NEK7: variants seen among roughly 807,000 people sequenced by gnomAD.
The protein encoded by NEK7 is NIMA related kinase 7.
Under a neutral mutation model 44.6 loss-of-function variants are expected in NEK7, and 18 were observed. The observed-to-expected ratio is 0.40, with a 90% CI of 0.28 to 0.60. The LOEUF (loss-of-function observed/expected upper bound fraction) is 0.60. Ranked by LOEUF, NEK7 falls within the 20% of genes least tolerant of loss-of-function variation. The probability of loss-of-function intolerance (pLI) is 0.38; values close to 1 mark genes in which losing one functional copy is unlikely to be tolerated. For missense variants in NEK7, 256 were observed against 366.5 expected (o/e 0.70, Z 2.46); for synonymous variants, 130 against 121.1 (o/e 1.07, Z -0.48).
At position 198,321,700 on chromosome 1, in the gene NEK7, A is replaced by T. The variant is rs762795588; in HGVS notation, c.*2178A>T. ...TATCTTTTTAAATCTAAATGTTCAT[A>T]TTTTTCCTGAAGAAACCACTGTGTA... On this transcript the variant is annotated 3_prime_UTR_variant, in exon 10 of 10. Coordinates refer to ENST00000367385, the MANE Select transcript of NEK7 (RefSeq NM_133494.3). The T allele has an allele frequency of 2.6e-5, 4 of 152,064 alleles. 1 individual carries two copies. Among genetic ancestry groups the T allele is most frequent in the South Asian group, 4.1e-4 (2 of 4,822 alleles). 9.4% of individuals were successfully genotyped at this position (152,064 alleles called of 1,614,324 possible). A position where few individuals can be genotyped will look rare whatever the true frequency, so the allele number is the denominator to read the frequency against.
chr1:198,178,237 C>T (rs535802961), intron 1 of NEK7, among the ~76,000 whole-genome samples: 2 of 151,964 alleles, frequency 1.3e-5, no homozygotes, highest in Non-Finnish European at 2.9e-5. Flanking sequence ...CTTTATAAAT[C>T]GACTCAAGCC....
At chr1:198,260,521 A>G (rs758905528) in intron 3 of NEK7, among the ~76,000 whole-genome samples, 2 of 151,550 alleles carry the variant, frequency 1.3e-5, no homozygotes, top group Non-Finnish European at 2.9e-5. Flanking sequence ...TGTGGCTGAC[A>G]TGGTTAGAAT....
chr1:198,226,320 G>A (rs1363872002), intron 1 of NEK7, among the ~76,000 whole-genome samples: 1 of 151,964 alleles, frequency 6.6e-6, no homozygotes, highest in East Asian at 1.9e-4. Context: ...CAAGGCGGGT[G>A]GATCACCTGA....
chr1:198,314,349 A>G (rs1655284227), intron 9 of NEK7, among the ~76,000 whole-genome samples: 1 of 152,158 alleles, frequency 6.6e-6, no homozygotes, highest in Middle Eastern at 3.4e-3. Context: ...TTTTTTTCAA[A>G]GTTTTCAACT....
At chr1:198,264,285 A>G (rs1167792538) in intron 5 of NEK7, 50 bp downstream of exon 5, 1 of 1,359,910 alleles carries the variant, frequency 7.4e-7, no homozygotes, top group Non-Finnish European at 1.0e-6. Context: ...TTTTTTTCTA[A>G]TAGAATTGTC....
intron 1 of NEK7, among the ~76,000 whole-genome samples, chr1:198,231,356 G>A (rs1261828463): frequency 2.3e-5 from 3 of 131,158 alleles, no homozygotes; most frequent in African/African-American, 8.8e-5. Flanking sequence ...TGATCATTTG[G>A]TATATGACAA....
At chr1:198,219,287 A>G (rs1159410270) in intron 1 of NEK7, among the ~76,000 whole-genome samples, 4 of 149,666 alleles carry the variant, frequency 2.7e-5, no homozygotes, top group Non-Finnish European at 5.9e-5. Flanking sequence ...TTTTATATAT[A>G]ATTAATATAT....
chr1:198,298,968 A>G (rs1654795701), intron 9 of NEK7, among the ~76,000 whole-genome samples: 1 of 152,238 alleles, frequency 6.6e-6, no homozygotes, highest in African/African-American at 2.4e-5. Flanking sequence ...GCGGATTCTC[A>G]GCCAAGGGGC....
intron 1 of NEK7, among the ~76,000 whole-genome samples, chr1:198,228,664 CTGTT>C (rs560866488): frequency 1.3e-4 from 20 of 152,124 alleles, no homozygotes; most frequent in Non-Finnish European, 2.5e-4. Context: ...ATTTGGCTCT[CTGTT>C]TGTCTGTTAT....
chr1:198,208,816 A>G (rs1452307677), intron 1 of NEK7, among the ~76,000 whole-genome samples: 1 of 152,040 alleles, frequency 6.6e-6, no homozygotes, highest in Non-Finnish European at 1.5e-5. Context: ...ACTCTAGACT[A>G]CAATTTCTGT....
chr1:198,319,287 T>C lies in NEK7; in HGVS notation c.799-125T>C. 9.9e-6 allele frequency: 6 copies of C among 607,622 alleles called. No individual in the cohort carries two copies. The East Asian group carries it at 1.7e-4, about 17-fold the overall frequency. The allele number at this position is 607,622 out of a possible 1,614,324, so 37.6% of individuals were successfully genotyped here. The stretch of plus-strand genomic sequence containing the variant: ...AGTCTTATATATATTTCTAGTACAG[T>C]GAATGTTTAGTCAGAAAATGTACTT... On this transcript the variant is annotated intron_variant, in intron 9 of 9. Transcript: ENST00000367385.
chr1:198,195,934 C>A (rs1245988641), intron 1 of NEK7, among the ~76,000 whole-genome samples: 1 of 152,104 alleles, frequency 6.6e-6, no homozygotes, highest in African/African-American at 2.4e-5. Context: ...AAGTAATTTT[C>A]TTCCAATGGT....
chr1:198,209,307 A>G (rs913788558), intron 1 of NEK7, among the ~76,000 whole-genome samples: 1 of 152,054 alleles, frequency 6.6e-6, no homozygotes, highest in African/African-American at 2.4e-5. Flanking sequence ...CAATTTGTAC[A>G]TTTTATTATG....
chr1:198,314,603 G>T (rs1433212816), intron 9 of NEK7, among the ~76,000 whole-genome samples: 1 of 152,170 alleles, frequency 6.6e-6, no homozygotes, highest in Non-Finnish European at 1.5e-5. Flanking sequence ...ATGTACAGGT[G>T]GGTTTTTGGT....
intron 9 of NEK7, among the ~76,000 whole-genome samples, chr1:198,298,832 G>A (rs1654791218): frequency 6.6e-6 from 1 of 152,226 alleles, no homozygotes; most frequent in Non-Finnish European, 1.5e-5. Context: ...GTGCAGCAGT[G>A]AAGCCTCAGC....
At chr1:198,232,775 GC>G (rs1666436125) in intron 2 of NEK7, 138 bp downstream of exon 2, 1 of 417,094 alleles carries the variant, frequency 2.4e-6, no homozygotes. Flanking sequence ...GTTTTAATCA[GC>G]ATTTTTTTTT....
intron 1 of NEK7, among the ~76,000 whole-genome samples, chr1:198,166,289 G>A (rs1366995792): frequency 3.3e-5 from 5 of 152,212 alleles, no homozygotes; most frequent in Non-Finnish European, 5.9e-5. Context: ...ACAAAATAGT[G>A]TAATAGACCA....
chr1:198,172,353 G>A (rs1664475201), intron 1 of NEK7, among the ~76,000 whole-genome samples: 1 of 152,164 alleles, frequency 6.6e-6, no homozygotes, highest in Non-Finnish European at 1.5e-5. Context: ...TTATGTCTAG[G>A]TGTTTCCTGC....
intron 1 of NEK7, among the ~76,000 whole-genome samples, chr1:198,195,916 A>G (rs1298106789): frequency 6.6e-6 from 1 of 152,216 alleles, no homozygotes; most frequent in Non-Finnish European, 1.5e-5. Context: ...TCTGTATTTA[A>G]GGAAGATAAG....
Sources: allele counts gnomAD v4.1 joint callset (sites outside exome capture counted in the v4.1 genomes callset), GRCh38; gene constraint gnomAD v4.1.1; transcripts MANE v1.5; gene names NCBI Gene and HGNC (gene_info 2026-07-23, HGNC 2026-07-21).